Variants in CSMD3 observed in about 807,000 individuals in gnomAD.
The protein encoded by CSMD3 is CUB and Sushi multiple domains 3.
In CSMD3, 177 loss-of-function variants were observed where a neutral mutation model predicts 435.2. The ratio of observed to expected loss-of-function variants is 0.41; its 90% confidence interval spans 0.36 to 0.46. The LOEUF is 0.46. Among genes scored for constraint, CSMD3 ranks in the 20% least tolerant of loss-of-function variants. The pLI, the probability that CSMD3 is intolerant of heterozygous loss-of-function variation, is 0.34. For synonymous variants in CSMD3, 1,656 were observed against 1,520.5 expected (o/e 1.09, Z -2.07); for missense variants, 4,265 against 4,504.6 (o/e 0.95, Z 1.52).
intron 1 of CSMD3, among the ~76,000 whole-genome samples, chr8:113,414,156 C>A (rs2094571398): frequency 6.6e-6 from 1 of 152,142 alleles, no homozygotes; most frequent in African/African-American, 2.4e-5. Flanking sequence ...AATATGGTAG[C>A]CACTGGCCAC....
At chr8:112,517,620 C>T (rs1048920227) in intron 27 of CSMD3, among the ~76,000 whole-genome samples, 3 of 151,912 alleles carry the variant, frequency 2.0e-5, no homozygotes, top group Admixed American at 1.3e-4. Flanking sequence ...TGAGCAAAGA[C>T]ATTTTAATGA....
chr8:113,272,583 C>T (rs1483905682), intron 3 of CSMD3, among the ~76,000 whole-genome samples: 1 of 151,430 alleles, frequency 6.6e-6, no homozygotes, highest in East Asian at 1.9e-4. Flanking sequence ...TGTGTTTTGC[C>T]TTCTGCCATG....
At position 112,976,091 on chromosome 8, in the gene CSMD3, G is replaced by A. The variant is rs150474524; in HGVS notation, c.1088C>T (p.Thr363Ile). The stretch of plus-strand genomic sequence containing the variant: ...AGCAACAGCAATAGCACCAGTGGTA[G>A]TCCTGTTATGCTCCTCTAACTCACC... ...STGELEEHNR[T>I]TTGAIAVAST... The change falls in exon 7 of 71, where the codon ACT (threonine) becomes ATT (isoleucine). Residue 363 changes from threonine (T) to isoleucine (I), a missense_variant. Physicochemically the swap from Thr to Ile is moderately conservative, Grantham distance 89 (BLOSUM62 -1). Around this residue, in one of 3 missense-constraint regions of CSMD3, gnomAD observed 731 missense variants for 755.4 expected, o/e 0.97. Transcript: ENST00000297405. The A allele has an allele frequency of 6.2e-7, 1 of 1,614,044 alleles. No individual in the cohort carries two copies. Among genetic ancestry groups the A allele is most frequent in the Non-Finnish European group, 8.5e-7 (1 of 1,179,946 alleles).
intron 70 of CSMD3, among the ~76,000 whole-genome samples, chr8:112,227,746 C>A (rs1269079098): frequency 1.3e-5 from 2 of 152,068 alleles, no homozygotes; most frequent in Non-Finnish European, 2.9e-5. Flanking sequence ...TGCAGATTGA[C>A]CCCAAATGAA....
Position 113,278,671 on chromosome 8 carries a change from T to A in CSMD3, c.435A>T (p.Thr145=). 2 of 1,596,214 alleles carry A rather than the reference T, an allele frequency of 1.3e-6. No individual in the cohort carries two copies. Among genetic ancestry groups the A allele is most frequent in the Non-Finnish European group, 1.7e-6 (2 of 1,164,068 alleles). Residue 145 remains threonine (T), a synonymous_variant, in exon 3 of 71, where the codon ACA becomes ACT. Transcript: ENST00000297405. ...LTGFHLPPPV[T]STKSVFSLRL... Reference sequence around the variant, plus strand: ...GTAGTGAGAACACAGATTTGGTACTTGTCACTGGAGGTGGCAGATGGAATC... The same window carrying A: ...GTAGTGAGAACACAGATTTGGTACTAGTCACTGGAGGTGGCAGATGGAATC...
At chr8:113,368,809 A>C (rs1475591549) in intron 1 of CSMD3, among the ~76,000 whole-genome samples, 1 of 152,108 alleles carries the variant, frequency 6.6e-6, no homozygotes, top group Non-Finnish European at 1.5e-5. Flanking sequence ...ATCTAAATTC[A>C]TATCTAGTCC....
intron 17 of CSMD3, among the ~76,000 whole-genome samples, chr8:112,657,255 G>A (rs1161453592): frequency 6.6e-6 from 1 of 151,684 alleles, no homozygotes; most frequent in Admixed American, 6.6e-5. Context: ...TAGACACAGG[G>A]TTTCACCATC....
chr8:112,517,379 T>A (rs1823788115), intron 27 of CSMD3, among the ~76,000 whole-genome samples, 154 bp from the exon 28 acceptor site: 1 of 152,214 alleles, frequency 6.6e-6, no homozygotes, highest in Admixed American at 6.5e-5. Context: ...ATAATTTATG[T>A]GCTAACTTAT....
chr8:113,027,300 A>T (rs1009155048), intron 5 of CSMD3, among the ~76,000 whole-genome samples: 2 of 152,176 alleles, frequency 1.3e-5, no homozygotes, highest in Non-Finnish European at 2.9e-5. Flanking sequence ...AATGCATTTT[A>T]TAGTCCCAAG....
intron 11 of CSMD3, among the ~76,000 whole-genome samples, chr8:112,831,408 T>TA (rs2079868263): frequency 6.6e-6 from 1 of 151,886 alleles, no homozygotes; most frequent in Non-Finnish European, 1.5e-5. Flanking sequence ...GGTATGTCTC[T>TA]AGGCAGTATA....
intron 3 of CSMD3, among the ~76,000 whole-genome samples, chr8:113,250,044 C>T (rs2093320116): frequency 1.3e-5 from 2 of 152,070 alleles, no homozygotes; most frequent in Non-Finnish European, 2.9e-5. Context: ...CAACAAATCA[C>T]AGGTTCTTTT....
At chr8:112,404,724 T>C (rs914651795) in intron 35 of CSMD3, among the ~76,000 whole-genome samples, 1 of 152,098 alleles carries the variant, frequency 6.6e-6, no homozygotes, top group Non-Finnish European at 1.5e-5. Context: ...TTTATTTTCA[T>C]ATGGCAAAAT....
chr8:112,508,948 A>G (rs1458466338), intron 28 of CSMD3, among the ~76,000 whole-genome samples: 1 of 152,196 alleles, frequency 6.6e-6, no homozygotes, highest in Non-Finnish European at 1.5e-5. Context: ...AATGTTTCTT[A>G]TGTTGTTTCT....
chr8:112,590,225 T>A (rs1186124077), intron 22 of CSMD3, among the ~76,000 whole-genome samples: 1 of 151,984 alleles, frequency 6.6e-6, no homozygotes, highest in African/African-American at 2.4e-5. Flanking sequence ...TACTTTCCAG[T>A]GGAAAGGATG....
intron 13 of CSMD3, among the ~76,000 whole-genome samples, chr8:112,718,582 A>T (rs2076787437): frequency 6.6e-6 from 1 of 151,544 alleles, no homozygotes; most frequent in African/African-American, 2.4e-5. Flanking sequence ...AGAGAAAAGT[A>T]TCACAAAACA....
At chr8:113,070,943 T>C (rs539572815) in intron 5 of CSMD3, among the ~76,000 whole-genome samples, 2 of 152,146 alleles carry the variant, frequency 1.3e-5, no homozygotes, top group African/African-American at 4.8e-5. Flanking sequence ...CACCAACACT[T>C]ACAAGAATGC....
At chr8:112,458,077 A>G (rs1445373484) in intron 32 of CSMD3, among the ~76,000 whole-genome samples, 1 of 152,038 alleles carries the variant, frequency 6.6e-6, no homozygotes, top group African/African-American at 2.4e-5. Context: ...AAAATTGTCA[A>G]GCTCTTTTAT....
chr8:113,022,369 T>C (rs2086713696), intron 5 of CSMD3, among the ~76,000 whole-genome samples: 1 of 152,002 alleles, frequency 6.6e-6, no homozygotes, highest in African/African-American at 2.4e-5. Flanking sequence ...TCAACAGTTA[T>C]TTACCAAACA....
intron 13 of CSMD3, among the ~76,000 whole-genome samples, chr8:112,737,857 C>T (rs1204476226): frequency 6.6e-6 from 1 of 151,786 alleles, no homozygotes; most frequent in Non-Finnish European, 1.5e-5. Flanking sequence ...TTTGATCTTT[C>T]CAAATAGTGA....
Sources: gnomAD v4.1 joint callset for allele counts (sites outside exome capture counted in the v4.1 genomes callset) on GRCh38, gnomAD v4.1.1 for gene constraint, gnomAD v4.1.1 regional missense constraint, MANE v1.5 for transcripts, NCBI Gene and HGNC (gene_info 2026-07-23, HGNC 2026-07-21) for gene names.